Variants in SYCP2 observed in about 807,000 individuals in gnomAD.
SYCP2 encodes the protein synaptonemal complex lateral element protein.
In SYCP2, 55 loss-of-function variants were observed where a neutral mutation model predicts 211.3. That is an observed-to-expected ratio of 0.26 (90% CI 0.21 to 0.33). The LOEUF (loss-of-function observed/expected upper bound fraction) is 0.33. SYCP2 is among the 10% of genes least tolerant of loss of function. The pLI is 1.00. For synonymous variants in SYCP2, 570 were observed against 555.2 expected (o/e 1.03, Z -0.37); for missense variants, 1,731 against 1,752.0 (o/e 0.99, Z 0.21).
intron 26 of SYCP2, among the ~76,000 whole-genome samples, chr20:59,883,847 AAT>A (rs1157142003): frequency 7.9e-5 from 12 of 152,190 alleles, no homozygotes; most frequent in Non-Finnish European, 1.3e-4. Context: ...TGTATTATAT[AAT>A]AGTTTGTTGC....
At chr20:59,908,371 C>T (rs2060251248) in intron 14 of SYCP2, among the ~76,000 whole-genome samples, 1 of 152,174 alleles carries the variant, frequency 6.6e-6, no homozygotes, top group African/African-American at 2.4e-5. Context: ...TCCCTTCTCT[C>T]CTATACCTTA....
chr20:59,898,718 C>CAA (rs551825468), intron 18 of SYCP2, among the ~76,000 whole-genome samples: 79 of 149,534 alleles, frequency 5.3e-4, no homozygotes, highest in African/African-American at 1.9e-3. Flanking sequence ...AGACTTCCTA[C>CAA]AAAAAAAAGA....
At chr20:59,912,575 C>A (rs537943284) in intron 12 of SYCP2, among the ~76,000 whole-genome samples, 157 bp from the exon 13 acceptor site, 72 of 152,170 alleles carry the variant, frequency 4.7e-4, no homozygotes, top group Non-Finnish European at 9.0e-4. Flanking sequence ...TTTCAAAATA[C>A]ATGTTTAGTG....
intron 39 of SYCP2, among the ~76,000 whole-genome samples, chr20:59,867,071 C>G (rs2059356182): frequency 9.5e-6 from 1 of 104,734 alleles, no homozygotes; most frequent in African/African-American, 3.9e-5. Flanking sequence ...AATTTTAACC[C>G]TGAATATAGG....
chr20:59,870,403 A>G (rs888096418), intron 35 of SYCP2, among the ~76,000 whole-genome samples: 5 of 151,884 alleles, frequency 3.3e-5, no homozygotes, highest in Non-Finnish European at 7.4e-5. Flanking sequence ...TTTCTATATA[A>G]AAATTTTAAA....
intron 28 of SYCP2, 34 bp from the exon 29 acceptor site, chr20:59,881,526 C>T: frequency 9.1e-7 from 1 of 1,095,750 alleles, no homozygotes; most frequent in Non-Finnish European, 1.3e-6. Flanking sequence ...AAAGAGGTGT[C>T]AGTGTCAAAA....
At position 59,915,461 on chromosome 20, in the gene SYCP2, T is replaced by C. The variant is rs1364245044; in HGVS notation, c.599+4A>G. 6.4e-7 allele frequency: 1 copy of C among 1,567,826 alleles called. No individual in the cohort carries two copies. The highest frequency in any genetic ancestry group is 1.1e-5 in the South Asian group (1 of 89,782). On this transcript the variant is annotated splice_donor_region_variant and intron_variant, in intron 9 of 44. Coordinates refer to ENST00000357552, the MANE Select transcript of SYCP2 (RefSeq NM_014258.4). ...ATAAAAACCATATAAGTACAGATTA[T>C]TACATGAGAATTAACATTTCTTGGT...
At chr20:59,917,522 C>A (rs1181383290) in intron 7 of SYCP2, among the ~76,000 whole-genome samples, 5 of 152,146 alleles carry the variant, frequency 3.3e-5, no homozygotes, top group African/African-American at 1.2e-4. Context: ...GATCACTTTA[C>A]AATTGCTGGT....
intron 35 of SYCP2, 62 bp from the exon 36 acceptor site, chr20:59,870,045 T>C: frequency 2.7e-6 from 3 of 1,104,562 alleles, no homozygotes; most frequent in Non-Finnish European, 3.7e-6. Context: ...AGCCCCCCAC[T>C]TCAAAAAGAG....
intron 4 of SYCP2, 148 bp from the exon 5 acceptor site, chr20:59,920,635 A>G: frequency 1.5e-6 from 1 of 679,864 alleles, no homozygotes. Context: ...ACAGATGAAA[A>G]TGTGGTTTAA....
At chr20:59,888,030 A>C (rs1454088109) in intron 24 of SYCP2, among the ~76,000 whole-genome samples, 3 of 152,092 alleles carry the variant, frequency 2.0e-5, no homozygotes, top group Non-Finnish European at 4.4e-5. Context: ...TGAATACTTG[A>C]TATCCTACCA....
At chr20:59,879,895 T>A (rs969259214) in intron 31 of SYCP2, among the ~76,000 whole-genome samples, 35 of 139,010 alleles carry the variant, frequency 2.5e-4, no homozygotes, top group African/African-American at 8.8e-4. Context: ...ATAAATATAT[T>A]TATTTTATAC....
chr20:59,894,934 A>T (rs6027177), intron 20 of SYCP2, among the ~76,000 whole-genome samples: 24 of 151,962 alleles, frequency 1.6e-4, no homozygotes, highest in Non-Finnish European at 3.2e-4. Context: ...TTCATTCTCC[A>T]TATTTTCTTA....
intron 20 of SYCP2, among the ~76,000 whole-genome samples, chr20:59,895,131 CAG>C (rs1169848855): frequency 6.6e-6 from 1 of 152,020 alleles, no homozygotes; most frequent in African/African-American, 2.4e-5. Flanking sequence ...ATTCCTATAC[CAG>C]AGTCTTCCCC....
At chr20:59,871,345 AAATGAGC>A in intron 35 of SYCP2, among the ~76,000 whole-genome samples, 1 of 151,604 alleles carries the variant, frequency 6.6e-6, no homozygotes, top group East Asian at 1.9e-4. Flanking sequence ...AACTGTAGAG[AAATGAGC>A]ACTATCTCAT....
At chr20:59,882,571 G>C (rs530610800) in intron 26 of SYCP2, among the ~76,000 whole-genome samples, 4 of 152,196 alleles carry the variant, frequency 2.6e-5, no homozygotes, top group Admixed American at 6.5e-5. Flanking sequence ...TGTAGTATGT[G>C]TATATACAAC....
chr20:59,924,803 T>G (rs972620575), intron 2 of SYCP2, among the ~76,000 whole-genome samples: 1 of 151,922 alleles, frequency 6.6e-6, no homozygotes, highest in Non-Finnish European at 1.5e-5. Context: ...ACCATAAAAG[T>G]CCAACACAGA....
chr20:59,919,461 AT>A (rs755030415), intron 6 of SYCP2, 31 bp downstream of exon 6: 12 of 1,409,430 alleles, frequency 8.5e-6, no homozygotes, highest in Middle Eastern at 1.8e-4. Flanking sequence ...CACATGCTTT[AT>A]AAATATCAGT....
chr20:59,885,977 A>G lies in SYCP2; in HGVS notation c.2493-13T>C. ...GTTTGAAAAACCACTGTAAAAAAAG[A>G]TTTTGTCAAAATTGAAAAAGCAAAT... On this transcript the variant is annotated splice_polypyrimidine_tract_variant and intron_variant, in intron 25 of 44. Coordinates refer to ENST00000357552, the MANE Select transcript of SYCP2 (RefSeq NM_014258.4). The G allele has an allele frequency of 6.3e-7, 1 of 1,596,466 alleles. No individual in the cohort carries two copies. The highest frequency in any genetic ancestry group is 8.5e-7 in the Non-Finnish European group (1 of 1,171,606).
Sources: gnomAD v4.1 joint callset for allele counts (sites outside exome capture counted in the v4.1 genomes callset) on GRCh38, gnomAD v4.1.1 for gene constraint, MANE v1.5 for transcripts, NCBI Gene and HGNC (gene_info 2026-07-23, HGNC 2026-07-21) for gene names.